The following HECW1 variants were observed in gnomAD, a reference collection of about 807,000 sequenced individuals.
HECW1 encodes E3 ubiquitin-protein ligase HECW1.
A neutral mutation model predicts 182.3 loss-of-function variants in HECW1; 61 were observed. The observed-to-expected ratio is 0.33, with a 90% confidence interval of 0.27 to 0.41. The LOEUF (loss-of-function observed/expected upper bound fraction) is 0.41, where lower values mean the gene tolerates loss of function less well. Ranked by LOEUF, HECW1 falls within the 10% of genes least tolerant of loss-of-function variation. The pLI is 1.00. For missense variants in HECW1, 1,739 were observed against 2,108.9 expected (o/e 0.82, Z 3.44); for synonymous variants, 859 against 832.6 (o/e 1.03, Z -0.55).
intron 3 of HECW1, among the ~76,000 whole-genome samples, chr7:43,265,271 C>A (rs1801650024): frequency 6.6e-6 from 1 of 152,104 alleles, no homozygotes; most frequent in Non-Finnish European, 1.5e-5. Flanking sequence ...TTCTGCACAG[C>A]CATTTAAACA....
At chr7:43,197,413 C>T (rs528164635) in intron 2 of HECW1, among the ~76,000 whole-genome samples, 3 of 152,284 alleles carry the variant, frequency 2.0e-5, no homozygotes, top group Admixed American at 6.5e-5. Flanking sequence ...TTCCTGCTGC[C>T]TGTGGAGAGG....
chr7:43,291,906 G>T (rs1805448502), intron 3 of HECW1, among the ~76,000 whole-genome samples: 1 of 152,110 alleles, frequency 6.6e-6, no homozygotes, highest in African/African-American at 2.4e-5. Flanking sequence ...CTAGGGAAAG[G>T]CCCAGTTAAG....
At chr7:43,242,258 G>A (rs761394905) in intron 2 of HECW1, among the ~76,000 whole-genome samples, 1 of 152,232 alleles carries the variant, frequency 6.6e-6, no homozygotes, top group Non-Finnish European at 1.5e-5. Flanking sequence ...CAAAGGTGCA[G>A]ACGAGGAGGC....
In HECW1 at chr7:43,444,349, C is replaced by T; in HGVS notation, c.1177C>T (p.Pro393Ser). The change falls in exon 11 of 30, where the codon CCA becomes TCA. Residue 393 changes from proline to serine, a missense_variant. Pro to Ser is a moderately conservative substitution (Grantham distance 74). This residue lies in a region of HECW1 where 971 missense variants were observed against 1,029.1 expected (regional missense o/e 0.94). Coordinates refer to ENST00000395891, the MANE Select transcript of HECW1 (RefSeq NM_015052.5). This position sits in a 1 kb window ranked among gnomAD's most constrained non-coding sequence, Gnocchi z 4.3. ...ACCAGAGTCCTCTGAGAGCTGGAAG[C>T]CAGAGCAGCTGGGTGAGGGCAGTGT... Reference protein sequence around the residue: ...EAPESSESWKPEQLGEGSVPD... With the variant: ...EAPESSESWKSEQLGEGSVPD... The T allele has an allele frequency of 6.2e-7, 1 of 1,614,130 alleles. No homozygotes were observed. Among genetic ancestry groups the T allele is most frequent in the Non-Finnish European group, 8.5e-7 (1 of 1,180,020 alleles).
At chr7:43,277,294 G>C (rs1449530396) in intron 3 of HECW1, among the ~76,000 whole-genome samples, 1 of 152,152 alleles carries the variant, frequency 6.6e-6, no homozygotes, top group East Asian at 1.9e-4. Context: ...CTGCCGCCAT[G>C]ACGCTGCCTC....
intron 29 of HECW1, among the ~76,000 whole-genome samples, chr7:43,557,352 C>T (rs781706169): frequency 4.6e-5 from 7 of 152,192 alleles, no homozygotes; most frequent in South Asian, 2.1e-4. Context: ...CAGATGAGAG[C>T]GCCAGACACC....
intron 6 of HECW1, among the ~76,000 whole-genome samples, chr7:43,394,823 A>C (rs2075169804): frequency 6.6e-6 from 1 of 152,110 alleles, no homozygotes; most frequent in Admixed American, 6.6e-5. Flanking sequence ...TGTGCGGGAG[A>C]CCGGAGTTTA....
intron 2 of HECW1, among the ~76,000 whole-genome samples, chr7:43,155,975 T>A (rs1418222456): frequency 1.3e-5 from 2 of 152,308 alleles, no homozygotes; most frequent in South Asian, 2.1e-4. Context: ...TCTTTGTTCG[T>A]TTAAAACAGT....
rs1369793479 is a variant in HECW1, at chr7:43,445,325, G to A, written c.2153G>A (p.Arg718His). ...YNGNRFASHT[R>H]FSSVDSAKIS... Reference sequence around the variant, plus strand: ...GGCAACAGGTTCGCCAGCCACACGCGCTTCTCCTCCGTGGACAGCGCCAAG... The same window carrying A: ...GGCAACAGGTTCGCCAGCCACACGCACTTCTCCTCCGTGGACAGCGCCAAG... The change falls in exon 11 of 30, where the codon CGC (arginine) becomes CAC (histidine). Residue 718 changes from arginine to histidine, a missense_variant. Coordinates refer to ENST00000395891, the MANE Select transcript of HECW1 (RefSeq NM_015052.5). 5 of 1,613,784 alleles carry A rather than the reference G, an allele frequency of 3.1e-6. No homozygotes were observed. Among genetic ancestry groups the A allele is most frequent in the East Asian group, 2.2e-5 (1 of 44,870 alleles).
intron 6 of HECW1, among the ~76,000 whole-genome samples, chr7:43,367,774 G>T (rs1186461239): frequency 1.3e-5 from 2 of 152,166 alleles, no homozygotes; most frequent in Non-Finnish European, 2.9e-5. Context: ...GAATAGAAAA[G>T]GAGTTTCCAA....
chr7:43,274,244 C>G, intron 3 of HECW1: 2 of 702,618 alleles, frequency 2.8e-6, no homozygotes, highest in Non-Finnish European at 4.7e-6. Context: ...CCCTCTACTG[C>G]ATGCGAATCT....
At chr7:43,333,987 A>G (rs1336603123) in intron 5 of HECW1, among the ~76,000 whole-genome samples, 1 of 152,204 alleles carries the variant, frequency 6.6e-6, no homozygotes, top group Non-Finnish European at 1.5e-5. Context: ...CAGGAAACGG[A>G]TGTTAGAAAA....
chr7:43,179,567 T>C (rs1014895029), intron 2 of HECW1, among the ~76,000 whole-genome samples: 7 of 151,308 alleles, frequency 4.6e-5, no homozygotes, highest in African/African-American at 1.5e-4. Flanking sequence ...GTTGTTGTTG[T>C]TGTTGTTGTT....
intron 24 of HECW1, among the ~76,000 whole-genome samples, chr7:43,526,607 C>T (rs995992182): frequency 1.3e-5 from 2 of 152,108 alleles, no homozygotes; most frequent in African/African-American, 4.8e-5. Flanking sequence ...GGGTTCTGCC[C>T]GGAACACAAT....
intron 3 of HECW1, among the ~76,000 whole-genome samples, chr7:43,296,249 C>T (rs1042026315): frequency 6.6e-6 from 1 of 152,156 alleles, no homozygotes; most frequent in African/African-American, 2.4e-5. Context: ...CATAATTATT[C>T]TGGTAGTCTC....
intron 24 of HECW1, among the ~76,000 whole-genome samples, chr7:43,516,895 T>C (rs943876386): frequency 6.6e-6 from 1 of 152,218 alleles, no homozygotes; most frequent in African/African-American, 2.4e-5. Flanking sequence ...CAATAGCAAG[T>C]ATTTGTGTAT....
At chr7:43,360,579 A>T (rs750020359) in intron 5 of HECW1, among the ~76,000 whole-genome samples, 6 of 152,150 alleles carry the variant, frequency 3.9e-5, no homozygotes, top group Admixed American at 2.0e-4. Context: ...GCATCCACCC[A>T]CCTCACATCT....
chr7:43,332,582 C>G (rs1219416852), intron 5 of HECW1, among the ~76,000 whole-genome samples: 2 of 152,184 alleles, frequency 1.3e-5, no homozygotes, highest in East Asian at 3.9e-4. Flanking sequence ...AAGGGCATGG[C>G]AAGCTGATCA....
chr7:43,269,683 G>T (rs1247407283), intron 3 of HECW1, among the ~76,000 whole-genome samples: 1 of 152,194 alleles, frequency 6.6e-6, no homozygotes, highest in Non-Finnish European at 1.5e-5. Flanking sequence ...GAAAACTGGG[G>T]CATTCCTAGA....
Sources: gnomAD v4.1 joint callset for allele counts (sites outside exome capture counted in the v4.1 genomes callset) on GRCh38, gnomAD v4.1.1 for gene constraint, gnomAD v4.1.1 regional missense constraint, Gnocchi (gnomAD v3.1) non-coding constraint, MANE v1.5 for transcripts, NCBI Gene and HGNC (gene_info 2026-07-23, HGNC 2026-07-21) for gene names.